The following FTO variants were observed in gnomAD, a reference collection of about 807,000 sequenced individuals.
The protein encoded by FTO is FTO alpha-ketoglutarate dependent dioxygenase.
FTO carries 47 observed loss-of-function variants against 63.9 expected under a neutral mutation model. The ratio of observed to expected loss-of-function variants is 0.74; its 90% confidence interval spans 0.58 to 0.94. FTO has a LOEUF of 0.94. Ranked by LOEUF, FTO falls within the 40% of genes least tolerant of loss-of-function variation. The pLI, the probability that FTO is intolerant of heterozygous loss-of-function variation, is 0.00. For missense variants in FTO, 562 were observed against 618.1 expected (o/e 0.91, Z 0.96); for synonymous variants, 207 against 224.4 (o/e 0.92, Z 0.69).
At chr16:54,067,925 T>A (rs1476964567) in intron 8 of FTO, among the ~76,000 whole-genome samples, 4 of 152,100 alleles carry the variant, frequency 2.6e-5, no homozygotes, top group Non-Finnish European at 5.9e-5. Flanking sequence ...GCAAATGCAG[T>A]CTTACTGACG....
At chr16:53,938,173 A>G (rs2082435583) in intron 8 of FTO, among the ~76,000 whole-genome samples, 1 of 152,206 alleles carries the variant, frequency 6.6e-6, no homozygotes, top group Non-Finnish European at 1.5e-5. Flanking sequence ...TTAGTACTAA[A>G]TATATGTGTG....
chr16:53,780,760 C>T (rs1013947206), intron 1 of FTO, among the ~76,000 whole-genome samples: 12 of 152,066 alleles, frequency 7.9e-5, no homozygotes, highest in African/African-American at 1.9e-4. Flanking sequence ...ATCATGGCCT[C>T]GTCATTTACT....
chr16:53,809,036 G>C (rs1368630539), intron 1 of FTO, among the ~76,000 whole-genome samples: 1 of 152,158 alleles, frequency 6.6e-6, no homozygotes, highest in African/African-American at 2.4e-5. Context: ...TGTAAGGTCA[G>C]ATATTCTTTG....
At position 54,061,172 on chromosome 16, in the gene FTO, C is replaced by T. The variant is rs111792534; in HGVS notation, c.1365-50590C>T. ...AGGGAAGGACACACAAAGAAACATGCGGTGATTCGGATGATTTTTTATTTC... is the reference window on the plus strand; with the variant it reads ...AGGGAAGGACACACAAAGAAACATGTGGTGATTCGGATGATTTTTTATTTC... On this transcript the variant is annotated intron_variant, in intron 8 of 8. Coordinates refer to ENST00000471389, the MANE Select transcript of FTO (RefSeq NM_001080432.3). Among the ~76,000 whole-genome samples, 555 of 152,248 alleles carry T rather than the reference C, an allele frequency of 3.6e-3. 4 individuals carry two copies. The highest frequency in any genetic ancestry group is 0.013 in the African/African-American group (524 of 41,544).
In FTO at chr16:53,888,950, T is replaced by A. The variant is rs2081079066; in HGVS notation, c.1238T>A (p.Val413Glu). 6.2e-7 allele frequency: 1 copy of A among 1,613,874 alleles called. No individual in the cohort carries two copies. The change falls in exon 7 of 9, where the codon GTG becomes GAG. Residue 413 changes from valine to glutamate, a missense_variant and splice_region_variant. Physicochemically the swap from Val to Glu is moderately radical, Grantham distance 121 (BLOSUM62 -2). Transcript: ENST00000471389. ...GCACTGTGGAAGAAGATGGAGGGTG[T>A]GGTAAGTCCATCAGACCTGGGACCG... ...LEALWKKMEG[V>E]TNAVLHEVKR... is the part of the protein sequence containing the mutation.
At chr16:54,078,781 C>T (rs1453335726) in intron 8 of FTO, among the ~76,000 whole-genome samples, 1 of 152,008 alleles carries the variant, frequency 6.6e-6, no homozygotes, top group Non-Finnish European at 1.5e-5. Flanking sequence ...ACAGAAAGGC[C>T]AGGTATGGTG....
intron 8 of FTO, among the ~76,000 whole-genome samples, chr16:54,094,765 T>C (rs2086474654): frequency 6.6e-6 from 1 of 151,982 alleles, no homozygotes; most frequent in Non-Finnish European, 1.5e-5. Flanking sequence ...CGAAGAGGCG[T>C]AAGATATTTT....
At chr16:54,011,517 C>T (rs1250374751) in intron 8 of FTO, among the ~76,000 whole-genome samples, 1 of 152,140 alleles carries the variant, frequency 6.6e-6, no homozygotes, top group South Asian at 2.1e-4. Context: ...AGGCATACCT[C>T]GTTTTACTGG....
At chr16:53,819,489 G>A (rs911889648) in intron 2 of FTO, among the ~76,000 whole-genome samples, 1 of 152,020 alleles carries the variant, frequency 6.6e-6, no homozygotes, top group African/African-American at 2.4e-5. Context: ...TTTTTTATGT[G>A]CTAAGAGGCT....
At chr16:54,086,678 C>G (rs2086260333) in intron 8 of FTO, among the ~76,000 whole-genome samples, 1 of 152,194 alleles carries the variant, frequency 6.6e-6, no homozygotes, top group Non-Finnish European at 1.5e-5. Context: ...TGGATCTAAC[C>G]TTTCTTCATC....
At chr16:53,710,778 G>T (rs759806310) in intron 1 of FTO, among the ~76,000 whole-genome samples, 2 of 152,190 alleles carry the variant, frequency 1.3e-5, no homozygotes, top group Non-Finnish European at 2.9e-5. Context: ...TAAGTATCTG[G>T]TAACAGTGGG....
intron 8 of FTO, among the ~76,000 whole-genome samples, chr16:54,110,853 G>A (rs1454997344): frequency 1.3e-5 from 2 of 152,174 alleles, no homozygotes; most frequent in Non-Finnish European, 2.9e-5. Context: ...CAGGAGAGTC[G>A]AGAAATTGTT....
At chr16:53,794,205 CCTG>C (rs1309837993) in intron 1 of FTO, among the ~76,000 whole-genome samples, 2 of 152,192 alleles carry the variant, frequency 1.3e-5, no homozygotes, top group East Asian at 3.8e-4. Context: ...TAGTGAATCT[CCTG>C]CTAAGACTTT....
intron 1 of FTO, among the ~76,000 whole-genome samples, chr16:53,795,115 C>T (rs184729626): frequency 6.6e-5 from 10 of 151,684 alleles, no homozygotes; most frequent in Admixed American, 5.3e-4. Context: ...AGAGGAACAA[C>T]GACATGAAAA....
At chr16:53,926,698 A>G (rs1344033063) in intron 7 of FTO, among the ~76,000 whole-genome samples, 1 of 152,208 alleles carries the variant, frequency 6.6e-6, no homozygotes, top group Non-Finnish European at 1.5e-5. Flanking sequence ...TTATATGGCA[A>G]AGGTACAAAT....
chr16:53,887,335 T>C (rs2081027599), intron 6 of FTO, among the ~76,000 whole-genome samples: 1 of 152,186 alleles, frequency 6.6e-6, no homozygotes, highest in African/African-American at 2.4e-5. Flanking sequence ...TTCCTATTCC[T>C]CTCAATCCTA....
intron 7 of FTO, among the ~76,000 whole-genome samples, chr16:53,896,639 T>C (rs1043817001): frequency 1.3e-5 from 2 of 152,168 alleles, no homozygotes; most frequent in Non-Finnish European, 2.9e-5. Flanking sequence ...TTGTAAAATA[T>C]AAAACATACA....
intron 1 of FTO, among the ~76,000 whole-genome samples, chr16:53,734,841 TAA>T (rs748131553): frequency 1.4e-4 from 21 of 152,224 alleles, no homozygotes; most frequent in Non-Finnish European, 2.6e-4. Context: ...GATGGGAAGA[TAA>T]AAGAGAGTTT....
intron 1 of FTO, among the ~76,000 whole-genome samples, chr16:53,760,540 C>G (rs1376487780): frequency 6.6e-6 from 1 of 151,738 alleles, no homozygotes; most frequent in Non-Finnish European, 1.5e-5. Context: ...GCCACCACAC[C>G]TGGCTTTAGG....
Sources: allele counts gnomAD v4.1 joint callset (sites outside exome capture counted in the v4.1 genomes callset), GRCh38; gene constraint gnomAD v4.1.1; transcripts MANE v1.5; gene names NCBI Gene and HGNC (gene_info 2026-07-23, HGNC 2026-07-21).